PMS2: variants seen among roughly 807,000 people sequenced by gnomAD.
PMS2 encodes PMS1 homolog 2, mismatch repair system component.
Under a neutral mutation model 90.0 loss-of-function variants are expected in PMS2, and 69 were observed. The ratio of observed to expected loss-of-function variants is 0.77; its 90% CI spans 0.63 to 0.94. PMS2 has a LOEUF of 0.94. PMS2 is among the 40% of genes least tolerant of loss of function. PMS2 has a pLI of 0.00. For missense variants in PMS2, 966 were observed against 1,040.2 expected, an observed-to-expected ratio of 0.93 and a Z score of 0.98; for synonymous variants, 332 against 375.1, an observed-to-expected ratio of 0.89 and a Z score of 1.33.
rs776688670 is a variant in PMS2, at chr7:5,995,588, ACTC to A, written c.846_848del (p.Arg282del). 6.2e-7 allele frequency: 1 copy of A among 1,613,698 alleles called. No homozygotes were observed. Among genetic ancestry groups the A allele is most frequent in the African/African-American group, 1.3e-5 (1 of 74,960 alleles). On this transcript the variant is annotated inframe_deletion, in exon 8 of 15. Coordinates refer to ENST00000265849, the MANE Select transcript of PMS2 (RefSeq NM_000535.7). ...TAAAGAAAAACTGTCTGTCTGTTGA[ACTC>A]CTTCCAACTCCATGCGTGCATTGTG...
chr7:5,999,003 A>G (rs2128797815), intron 6 of PMS2, 105 bp downstream of exon 6: 1 of 1,264,156 alleles, frequency 7.9e-7, no homozygotes, highest in African/African-American at 1.5e-5. Flanking sequence ...AAAAAAAAAA[A>G]AATCAATTCT....
At chr7:6,007,856 ATT>A (rs144545311) in intron 1 of PMS2, among the ~76,000 whole-genome samples, 33,383 of 126,260 alleles carry the variant, frequency 0.26, 3,781 homozygotes, top group East Asian at 0.64. Context: ...TCCACTTCTG[ATT>A]TTTTTTTTTT....
At chr7:5,998,380 T>C (rs1386604193) in intron 6 of PMS2, among the ~76,000 whole-genome samples, 1 of 147,196 alleles carries the variant, frequency 6.8e-6, no homozygotes, top group Non-Finnish European at 1.5e-5. Context: ...GCGCCGGGCC[T>C]TGTGATAGGC....
In PMS2 at chr7:6,004,052, T is replaced by A. The variant is rs765474498; in HGVS notation, c.170A>T (p.Lys57Met). 1 of 1,559,106 alleles carries A rather than the reference T, an allele frequency of 6.4e-7. No individual in the cohort carries two copies. Among genetic ancestry groups the A allele is most frequent in the African/African-American group, 1.4e-5 (1 of 73,738 alleles). ...AAGATCCACTCCATAGTCCTTAAGCTTTAGATCTAGAAAGTTTAAAATATT... is the reference window on the plus strand; with the variant it reads ...AAGATCCACTCCATAGTCCTTAAGCATTAGATCTAGAAAGTTTAAAATATT... ...LDAGATNIDL[K>M]LKDYGVDLIE... The change falls in exon 3 of 15, where the codon AAG (lysine) becomes ATG (methionine). Residue 57 changes from lysine to methionine, a missense_variant. Physicochemically the swap from Lys to Met is moderately conservative, Grantham distance 95. Transcript: ENST00000265849.
chr7:6,001,616 G>A (rs1420799934), intron 5 of PMS2, among the ~76,000 whole-genome samples: 4 of 152,000 alleles, frequency 2.6e-5, no homozygotes, highest in Admixed American at 6.6e-5. Context: ...TGATCCACCC[G>A]CCTCAGCCTC....
chr7:5,977,480 G>A, intron 14 of PMS2, 108 bp downstream of exon 14: 1 of 748,318 alleles, frequency 1.3e-6, no homozygotes, highest in Non-Finnish European at 2.3e-6. Context: ...ATGACCCCTG[G>A]CAATCACAAA....
At chr7:5,983,363 C>G (rs1159425764) in intron 11 of PMS2, among the ~76,000 whole-genome samples, 1 of 151,486 alleles carries the variant, frequency 6.6e-6, no homozygotes, top group Admixed American at 6.6e-5. Context: ...CCCGCCTTGG[C>G]CTCCCAAAGT....
chr7:5,997,880 C>T (rs1206967587), intron 6 of PMS2, among the ~76,000 whole-genome samples: 1 of 151,898 alleles, frequency 6.6e-6, no homozygotes, highest in Middle Eastern at 3.2e-3. Flanking sequence ...ATGTGTGAGC[C>T]GTGGGAACAA....
chr7:5,982,738 C>G, intron 12 of PMS2, 86 bp downstream of exon 12: 1 of 1,604,212 alleles, frequency 6.2e-7, no homozygotes, highest in South Asian at 1.1e-5. Flanking sequence ...TCTCAAACTC[C>G]TGGCCTCTTG....
intron 10 of PMS2, among the ~76,000 whole-genome samples, chr7:5,989,183 C>G (rs1783440040): frequency 6.6e-6 from 1 of 152,074 alleles, no homozygotes; most frequent in South Asian, 2.1e-4. Context: ...GAAATCCCAG[C>G]ATTTTCAGAG....
At chr7:5,997,658 C>T (rs946519274) in intron 6 of PMS2, among the ~76,000 whole-genome samples, 2 of 152,142 alleles carry the variant, frequency 1.3e-5, no homozygotes, top group African/African-American at 2.4e-5. Context: ...AATCCTCCTG[C>T]GTCAGCCTGT....
chr7:5,993,804 T>C (rs1307937023), intron 8 of PMS2, among the ~76,000 whole-genome samples: 1 of 124,928 alleles, frequency 8.0e-6, no homozygotes, highest in Admixed American at 1.1e-4. Context: ...GTGCTTGCAG[T>C]GAGCAGAGAT....
At chr7:5,998,080 T>G (rs377703387) in intron 6 of PMS2, among the ~76,000 whole-genome samples, 8 of 150,632 alleles carry the variant, frequency 5.3e-5, no homozygotes, top group East Asian at 3.9e-4. Context: ...GTACTTTGTT[T>G]TTTTTTTTTT....
chr7:5,993,900 A>G (rs953234092), intron 8 of PMS2, among the ~76,000 whole-genome samples: 47 of 150,548 alleles, frequency 3.1e-4, no homozygotes, highest in African/African-American at 1.1e-3. Flanking sequence ...AAATATAGAA[A>G]CCATGTAATC....
At chr7:5,997,456 TCCTAATA>T (rs1562671889) in intron 6 of PMS2, 33 bp from the exon 7 acceptor site, 1 of 1,224,704 alleles carries the variant, frequency 8.2e-7, no homozygotes, top group East Asian at 2.3e-5. Flanking sequence ...CACAGTTACT[TCCTAATA>T]AAGACAGAGT....
intron 7 of PMS2, among the ~76,000 whole-genome samples, chr7:5,997,051 C>G (rs188741790): frequency 1.3e-5 from 2 of 151,988 alleles, no homozygotes; most frequent in African/African-American, 4.8e-5. Flanking sequence ...CCCGTCTCTA[C>G]TAAAAATACA....
intron 1 of PMS2, 56 bp from the exon 2 acceptor site, chr7:6,006,087 T>C: frequency 1.3e-6 from 2 of 1,585,682 alleles, no homozygotes; most frequent in South Asian, 1.1e-5. Flanking sequence ...ATTTTCATCC[T>C]GATTTTAACT....
At chr7:6,006,610 G>A (rs143908128) in intron 1 of PMS2, among the ~76,000 whole-genome samples, 3,641 of 151,946 alleles carry the variant, frequency 0.024, 131 homozygotes, top group African/African-American at 0.082. Flanking sequence ...CTGAGATTGC[G>A]GCATTGCACT....
In PMS2 at chr7:5,987,516, T is replaced by C. The variant is rs1060503132; in HGVS notation, c.1249A>G (p.Ile417Val). ...RTGEEKKDVS[I>V]SRLREAFSLR... ...GAAAAGGCCTCTCGCAGTCTGGAAA[T>C]GGACACGTCTTTTTTTTCTTCTCCA... The change falls in exon 11 of 15, where the codon ATT becomes GTT. Residue 417 changes from isoleucine to valine, a missense_variant. By Grantham distance (29) the Ile-to-Val change is conservative. Transcript: ENST00000265849. The C allele has an allele frequency of 1.2e-6, 2 of 1,614,216 alleles. No individual in the cohort carries two copies. The highest frequency in any genetic ancestry group is 1.7e-6 in the Non-Finnish European group (2 of 1,180,040).
Sources: allele counts gnomAD v4.1 joint callset (sites outside exome capture counted in the v4.1 genomes callset), GRCh38; gene constraint gnomAD v4.1.1; transcripts MANE v1.5; gene names NCBI Gene and HGNC (gene_info 2026-07-23, HGNC 2026-07-21).